The following ERC1 variants were observed in gnomAD, a reference collection of about 807,000 sequenced individuals.
The protein encoded by ERC1 is ELKS/RAB6-interacting/CAST family member 1, also known as RAB6 interacting protein 2.
In ERC1, 56 loss-of-function variants were observed where a neutral mutation model predicts 132.0. The observed-to-expected ratio is 0.42, with a 90% CI of 0.34 to 0.53. The LOEUF (loss-of-function observed/expected upper bound fraction) is 0.53, where lower values mean the gene tolerates loss of function less well. Among genes scored for constraint, ERC1 ranks in the 20% least tolerant of loss-of-function variants. ERC1 has a pLI of 0.03. For synonymous variants in ERC1, 478 were observed against 476.1 expected (o/e 1.00, Z -0.05); for missense variants, 1,202 against 1,349.9 (o/e 0.89, Z 1.72).
chr12:1,374,162 A>C (rs1033474572), intron 16 of ERC1, among the ~76,000 whole-genome samples: 1 of 152,244 alleles, frequency 6.6e-6, no homozygotes, highest in African/African-American at 2.4e-5. Flanking sequence ...CTTCTAGTCC[A>C]TGAATTGCTG....
At chr12:1,256,210 A>G (rs1374202621) in intron 13 of ERC1, among the ~76,000 whole-genome samples, 3 of 151,884 alleles carry the variant, frequency 2.0e-5, no homozygotes, top group Non-Finnish European at 4.4e-5. Flanking sequence ...CACTCTGATG[A>G]AATCTACTTC....
At chr12:1,047,218 G>A (rs2154165773) in intron 2 of ERC1, among the ~76,000 whole-genome samples, 1 of 152,208 alleles carries the variant, frequency 6.6e-6, no homozygotes, top group Non-Finnish European at 1.5e-5. Flanking sequence ...ACTTGGTGGA[G>A]GGTAACTGTT....
intron 6 of ERC1, among the ~76,000 whole-genome samples, chr12:1,114,318 G>T (rs1946217139): frequency 6.6e-6 from 1 of 152,100 alleles, no homozygotes. Flanking sequence ...ACTGCACCCG[G>T]CCTAAACCCT....
chr12:1,113,141 A>G (rs1371266409), intron 6 of ERC1, among the ~76,000 whole-genome samples: 2 of 152,196 alleles, frequency 1.3e-5, no homozygotes, highest in Non-Finnish European at 2.9e-5. Flanking sequence ...GAGGATGTGC[A>G]TAGGTTATAT....
At chr12:1,457,029 G>C (rs1433804927) in intron 18 of ERC1, among the ~76,000 whole-genome samples, 2 of 152,162 alleles carry the variant, frequency 1.3e-5, no homozygotes, top group Non-Finnish European at 2.9e-5. Flanking sequence ...AAGATGATAA[G>C]ACCATATTTT....
At chr12:1,178,898 G>A (rs1267252758) in intron 8 of ERC1, among the ~76,000 whole-genome samples, 3 of 152,068 alleles carry the variant, frequency 2.0e-5, no homozygotes, top group South Asian at 2.1e-4. Context: ...TCATTACTCT[G>A]TTTCCTCAGC....
chr12:1,467,338 T>C (rs1592232144), intron 18 of ERC1, among the ~76,000 whole-genome samples: 1 of 152,066 alleles, frequency 6.6e-6, no homozygotes, highest in African/African-American at 2.4e-5. Flanking sequence ...GGGCAGTGTG[T>C]TGTCAGTTTC....
rs2094227477 is a variant in ERC1, at chr12:1,486,892, T to C, written c.3214-3201T>C. Among the ~76,000 whole-genome samples the C allele has an allele frequency of 2.0e-5, 3 of 152,340 alleles. No individual in the cohort carries two copies. The South Asian group carries it at 6.2e-4, about 32-fold the overall frequency. On this transcript the variant is annotated intron_variant, in intron 18 of 18. Transcript: ENST00000360905. The stretch of plus-strand genomic sequence containing the variant: ...TCATGGGAAATAAATAAGTGACTTG[T>C]AGAGACTGAAGAAGAGTTACCTGGC...
chr12:1,313,020 G>T (rs2081420609), intron 15 of ERC1, among the ~76,000 whole-genome samples: 1 of 152,076 alleles, frequency 6.6e-6, no homozygotes. Context: ...AAAACCATAA[G>T]AAAAGATTAA....
intron 8 of ERC1, among the ~76,000 whole-genome samples, chr12:1,160,323 C>G (rs917361092): frequency 6.6e-6 from 1 of 152,092 alleles, no homozygotes; most frequent in Non-Finnish European, 1.5e-5. Context: ...ATTCTAAAAG[C>G]TTTTTTTGTT....
intron 1 of ERC1, among the ~76,000 whole-genome samples, chr12:1,012,786 C>T (rs1242902157): frequency 6.6e-6 from 1 of 152,048 alleles, no homozygotes; most frequent in Admixed American, 6.6e-5. Flanking sequence ...TTCAGGTCTG[C>T]GTCCAAGATC....
At chr12:1,153,140 T>C (rs961445132) in intron 8 of ERC1, 4 of 152,286 alleles carry the variant, frequency 2.6e-5, no homozygotes, top group African/African-American at 9.6e-5. Flanking sequence ...CATTTCCTAC[T>C]TCTGGGAACC....
chr12:1,013,460 T>C (rs1409801703), intron 1 of ERC1, among the ~76,000 whole-genome samples: 2 of 152,076 alleles, frequency 1.3e-5, no homozygotes, highest in Non-Finnish European at 2.9e-5. Context: ...AAATAGTAAC[T>C]GACAAGTGTT....
chr12:1,065,480 T>TTGTG (rs71293132), intron 2 of ERC1, among the ~76,000 whole-genome samples: 11,160 of 124,756 alleles, frequency 0.089, 519 homozygotes, highest in South Asian at 0.14. Flanking sequence ...TTTGTACCGT[T>TTGTG]TGTGTGTGTG....
chr12:1,009,588 A>G (rs1347008738), intron 1 of ERC1, among the ~76,000 whole-genome samples: 4 of 147,166 alleles, frequency 2.7e-5, no homozygotes, highest in Admixed American at 2.1e-4. Flanking sequence ...AAATATTGTG[A>G]CAAGTGTTCA....
chr12:1,400,840 G>C (rs1233572549), intron 16 of ERC1, among the ~76,000 whole-genome samples: 1 of 144,864 alleles, frequency 6.9e-6, no homozygotes, highest in Non-Finnish European at 1.5e-5. Context: ...ACTATTTACT[G>C]TAGGATCTGA....
Position 1,225,905 on chromosome 12 carries a change from G to A in ERC1, c.2352-10864G>A, listed in dbSNP as rs117232444. 4.3e-3 allele frequency among the ~76,000 whole-genome samples: 652 copies of A among 152,220 alleles called. 4 individuals carry two copies. The highest frequency in any genetic ancestry group is 7.8e-3 in the Non-Finnish European group (530 of 68,004). On this transcript the variant is annotated intron_variant, in intron 12 of 18. Transcript: ENST00000360905. ...TTTGCATCTAGTAAATGAATGTTAGGAGGAACTTAATTTTGAGAAAAAGCA... is the reference window on the plus strand; with the variant it reads ...TTTGCATCTAGTAAATGAATGTTAGAAGGAACTTAATTTTGAGAAAAAGCA...
intron 16 of ERC1, among the ~76,000 whole-genome samples, chr12:1,400,645 T>C (rs1361467166): frequency 2.6e-5 from 4 of 152,180 alleles, no homozygotes; most frequent in Admixed American, 2.0e-4. Context: ...TTTCTTTGCA[T>C]GTCTATTTCT....
intron 12 of ERC1, among the ~76,000 whole-genome samples, chr12:1,233,346 C>G (rs2075184359): frequency 6.6e-6 from 1 of 151,802 alleles, no homozygotes; most frequent in Non-Finnish European, 1.5e-5. Context: ...TGTTGCATGC[C>G]TGTAATCCTA....
Sources: allele counts gnomAD v4.1 joint callset (sites outside exome capture counted in the v4.1 genomes callset), GRCh38; gene constraint gnomAD v4.1.1; transcripts MANE v1.5; gene names NCBI Gene and HGNC (gene_info 2026-07-23, HGNC 2026-07-21).